Variants in PC observed in about 807,000 individuals in gnomAD.
PC encodes pyruvate carboxylase, also known as pyruvate carboxylase, mitochondrial.
A neutral mutation model predicts 107.8 loss-of-function variants in PC; 46 were observed. The observed-to-expected ratio is 0.43, with a 90% CI of 0.34 to 0.55. The LOEUF (loss-of-function observed/expected upper bound fraction) is 0.55, where lower values mean the gene tolerates loss of function less well. PC is among the 20% of genes least tolerant of loss of function. PC has a pLI of 0.04. For synonymous variants in PC, 662 were observed against 684.7 expected, an observed-to-expected ratio of 0.97 and a Z score of 0.52; for missense variants, 1,241 against 1,643.1, an observed-to-expected ratio of 0.76 and a Z score of 4.23.
chr11:66,863,137 TTTGAGACCA>T (rs1380895521), intron 12 of PC, among the ~76,000 whole-genome samples: 1 of 151,560 alleles, frequency 6.6e-6, no homozygotes, highest in Non-Finnish European at 1.5e-5. Context: ...AGGTCAGGAG[TTTGAGACCA>T]GCCTGGCCAA....
intron 3 of PC, among the ~76,000 whole-genome samples, chr11:66,896,242 C>T (rs1441282715): frequency 6.6e-6 from 1 of 152,154 alleles, no homozygotes; most frequent in African/African-American, 2.4e-5. Flanking sequence ...CCATGCCTAG[C>T]TAATTTTTGT....
intron 3 of PC, among the ~76,000 whole-genome samples, chr11:66,913,115 G>A (rs541782317): frequency 6.6e-6 from 1 of 152,246 alleles, no homozygotes; most frequent in East Asian, 1.9e-4. Flanking sequence ...GGCAGCAGCA[G>A]TAGTAAAGCC....
Position 66,858,663 on chromosome 11 carries a change from G to C in PC, c.1368+5111C>G, listed in dbSNP as rs1375696313. 2 of 1,543,352 alleles carry C rather than the reference G, an allele frequency of 1.3e-6. No homozygotes were observed. The highest frequency in any genetic ancestry group is 8.7e-7 in the Non-Finnish European group (1 of 1,144,120). On this transcript the variant is annotated intron_variant, in intron 12 of 22. Coordinates refer to ENST00000393960, the MANE Select transcript of PC (RefSeq NM_001040716.2). This position sits in a 1 kb window ranked among gnomAD's most constrained non-coding sequence, Gnocchi z 5.9. ...CACGCTGCGGTGCCGGGCCCTGGGT[G>C]ACCCCGCGCCTACCATGCACTGGGT...
chr11:66,876,218 T>C (rs1162832742), intron 3 of PC, among the ~76,000 whole-genome samples: 1 of 152,192 alleles, frequency 6.6e-6, no homozygotes, highest in Non-Finnish European at 1.5e-5. Context: ...TTCCTGATCT[T>C]GATCAGTGGA....
intron 18 of PC, 26 bp downstream of exon 18, chr11:66,850,648 T>C (rs1945423611): frequency 6.2e-7 from 1 of 1,604,788 alleles, no homozygotes; most frequent in African/African-American, 1.3e-5. Flanking sequence ...GAGAGGGGTG[T>C]GGCCACGGGC....
At chr11:66,898,675 G>C (rs1166999330) in intron 3 of PC, among the ~76,000 whole-genome samples, 1 of 152,090 alleles carries the variant, frequency 6.6e-6, no homozygotes, top group Non-Finnish European at 1.5e-5. Flanking sequence ...GCAAGACTCT[G>C]TCTCAAGAAA....
chr11:66,915,847 A>T (rs1366699018), intron 3 of PC, among the ~76,000 whole-genome samples: 2 of 152,156 alleles, frequency 1.3e-5, no homozygotes, highest in Non-Finnish European at 2.9e-5. Flanking sequence ...GAGGCCCCAG[A>T]TTTGGTTCTG....
At position 66,850,936 on chromosome 11, in the gene PC, GGAGA is replaced by G. The variant is rs139065746; in HGVS notation, c.2224-17_2224-14del. Reference sequence around the variant, plus strand: ...GCCCGGCCATGTCCTGGGGGAAGTGGGAGAGAGAGAGAGAGAGATGGTAGAGAGG... The same window carrying G: ...GCCCGGCCATGTCCTGGGGGAAGTGGGAGAGAGAGAGAGATGGTAGAGAGG... On this transcript the variant is annotated splice_polypyrimidine_tract_variant and intron_variant, in intron 17 of 22. Coordinates refer to ENST00000393960, the MANE Select transcript of PC (RefSeq NM_001040716.2). 2.7e-5 allele frequency: 42 copies of G among 1,550,846 alleles called. 1 individual carries two copies. The highest frequency in any genetic ancestry group is 3.0e-5 in the Non-Finnish European group (34 of 1,138,590).
rs548870343 is a variant in PC, at chr11:66,853,325, A to C, written c.1427T>G (p.Val476Gly). Reference sequence around the variant, plus strand: ...GTTCTCGTCGATGAACTGGGTGTCCACAGTGCCTGCCAGGAACTGCTGGTT... The same window carrying C: ...GTTCTCGTCGATGAACTGGGTGTCCCCAGTGCCTGCCAGGAACTGCTGGTT... ...LNNQQFLAGT[V>G]DTQFIDENPE... Residue 476 changes from valine to glycine, a missense_variant, in exon 13 of 23, where the codon GTG becomes GGG. This residue lies in a region of PC where 1,143 missense variants were observed against 1,551.9 expected (regional missense o/e 0.74). Transcript: ENST00000393960. 6.2e-7 allele frequency: 1 copy of C among 1,614,112 alleles called. No individual in the cohort carries two copies. Among genetic ancestry groups the C allele is most frequent in the South Asian group, 1.1e-5 (1 of 91,078 alleles).
chr11:66,874,103 G>A (rs908292090), intron 3 of PC, among the ~76,000 whole-genome samples: 1 of 152,136 alleles, frequency 6.6e-6, no homozygotes, highest in African/African-American at 2.4e-5. Context: ...GGAATTACAG[G>A]CACCCGCCAC....
At position 66,848,486 on chromosome 11, in the gene PC, G is replaced by GT. The variant is rs1565205703; in HGVS notation, c.*412dup. 4 of 559,332 alleles carry GT rather than the reference G, an allele frequency of 7.2e-6. No homozygotes were observed. The highest frequency in any genetic ancestry group is 1.3e-5 in the Non-Finnish European group (4 of 317,774). The allele number at this position is 559,332 out of a possible 1,614,324, so 34.6% of individuals were successfully genotyped here. A position where few individuals can be genotyped will look rare whatever the true frequency, so the allele number is the denominator to read the frequency against. ...TTGAAAGGCAGCCCCCCACTGCTGA[G>GT]TGGTGCAGGCTGGGGGCTGCACAGG... On this transcript the variant is annotated 3_prime_UTR_variant, in exon 23 of 23. Coordinates refer to ENST00000393960, the MANE Select transcript of PC (RefSeq NM_001040716.2).
chr11:66,946,759 A>G (rs1207009674), intron 3 of PC, among the ~76,000 whole-genome samples: 1 of 152,182 alleles, frequency 6.6e-6, no homozygotes, highest in East Asian at 1.9e-4. Context: ...AGTGCAAGCC[A>G]GCCTGGGGCA....
At chr11:66,923,368 G>A (rs1274899308) in intron 3 of PC, among the ~76,000 whole-genome samples, 1 of 132,566 alleles carries the variant, frequency 7.5e-6, no homozygotes, top group Non-Finnish European at 1.6e-5. Flanking sequence ...GAGATAGAGC[G>A]AGACTCCGTC....
At chr11:66,956,457 C>T (rs572318201) in intron 1 of PC, among the ~76,000 whole-genome samples, 10 of 152,168 alleles carry the variant, frequency 6.6e-5, no homozygotes, top group African/African-American at 2.4e-4. Context: ...TGGTGGCATG[C>T]GCCTGTAATC....
Position 66,859,810 on chromosome 11 carries a change from C to T in PC, c.1368+3964G>A, listed in dbSNP as rs147064009. ...CTGCCGGCCTCGCCCCTGTGCCACG[C>T]CCTGCAGGCCCACGTGCTGGGCGGG... is the stretch of plus-strand genomic sequence containing the variant. On this transcript the variant is annotated intron_variant, in intron 12 of 22. Transcript: ENST00000393960. The T allele has an allele frequency of 3.1e-5, 49 of 1,585,832 alleles. No homozygotes were observed. In the African/African-American group the frequency reaches 6.3e-4, roughly 20 times the overall value.
chr11:66,932,942 A>T (rs1222947078), intron 3 of PC, among the ~76,000 whole-genome samples: 1 of 152,162 alleles, frequency 6.6e-6, no homozygotes, highest in Admixed American at 6.6e-5. Flanking sequence ...AAGTGTTCTT[A>T]ATTCATATTT....
intron 3 of PC, among the ~76,000 whole-genome samples, chr11:66,913,345 G>A (rs1409679544): frequency 1.3e-5 from 2 of 151,754 alleles, no homozygotes. Flanking sequence ...CAAAATTAGT[G>A]CATCAGCACC....
chr11:66,864,708 C>A lies in PC; in HGVS notation c.1186-752G>T, dbSNP rs536113356. Among the ~76,000 whole-genome samples the A allele has an allele frequency of 2.0e-5, 3 of 152,292 alleles. No individual in the cohort carries two copies. In the South Asian group the frequency reaches 6.2e-4, roughly 32 times the overall value. ...GCAGCGGGACAGGGCCAGGGCCAGACGGCAATGGGAGGGGCAGCGGAGAGG... is the reference window on the plus strand; with the variant it reads ...GCAGCGGGACAGGGCCAGGGCCAGAAGGCAATGGGAGGGGCAGCGGAGAGG... On this transcript the variant is annotated intron_variant, in intron 11 of 22. Coordinates refer to ENST00000393960, the MANE Select transcript of PC (RefSeq NM_001040716.2).
intron 3 of PC, among the ~76,000 whole-genome samples, chr11:66,939,834 C>T (rs376669649): frequency 1.1e-5 from 1 of 92,582 alleles, no homozygotes; most frequent in African/African-American, 4.1e-5. Context: ...AAACCAAAAA[C>T]AAGAAAAAAC....
Sources: allele counts gnomAD v4.1 joint callset (sites outside exome capture counted in the v4.1 genomes callset), GRCh38; gene constraint gnomAD v4.1.1; regional missense constraint gnomAD v4.1.1; non-coding constraint Gnocchi (gnomAD v3.1); transcripts MANE v1.5; gene names NCBI Gene and HGNC (gene_info 2026-07-23, HGNC 2026-07-21).